Variants in NTSR1 observed in about 807,000 individuals in gnomAD.
NTSR1 encodes neurotensin receptor 1.
NTSR1 carries 29 observed loss-of-function variants against 31.2 expected under a neutral mutation model. The ratio of observed to expected loss-of-function variants is 0.93; its 90% CI spans 0.69 to 1.27. NTSR1 has a LOEUF of 1.27. Ranked by LOEUF, NTSR1 falls within the 50% of genes most tolerant of loss-of-function variation. The pLI is 0.00. For missense variants in NTSR1, 697 were observed against 595.4 expected (o/e 1.17, Z -1.78); for synonymous variants, 282 against 269.9 (o/e 1.04, Z -0.44).
chr20:62,761,823 T>G lies in NTSR1; in HGVS notation c.*1556T>G, dbSNP rs1275422629. 6.6e-6 allele frequency: 1 copy of G among 152,234 alleles called. No homozygotes were observed. Among genetic ancestry groups the G allele is most frequent in the Non-Finnish European group, 1.5e-5 (1 of 68,060 alleles). The allele number at this position is 152,234 out of a possible 1,614,324, so 9.4% of individuals were successfully genotyped here. A position where few individuals can be genotyped will look rare whatever the true frequency, so the allele number is the denominator to read the frequency against. ...CTGGCTGTTGAGTTGACGGGTTCCT[T>G]GAACCCCACAAAATCCCTCTCCAAC... is the stretch of plus-strand genomic sequence containing the variant. On this transcript the variant is annotated 3_prime_UTR_variant, in exon 4 of 4. Transcript: ENST00000370501.
At position 62,741,175 on chromosome 20, in the gene NTSR1, C is replaced by T. The variant is rs1011020952; in HGVS notation, c.715-13510C>T. Among the ~76,000 whole-genome samples, 3 of 150,650 alleles carry T rather than the reference C, an allele frequency of 2.0e-5. No individual in the cohort carries two copies. Among genetic ancestry groups the T allele is most frequent in the Non-Finnish European group, 4.5e-5 (3 of 67,066 alleles). Reference sequence around the variant, plus strand: ...GCCCTCTGGGCTAAGTCAGGGGTCTCCCGGCAGCCAGGCTGCTAAGTCAGG... The same window carrying T: ...GCCCTCTGGGCTAAGTCAGGGGTCTTCCGGCAGCCAGGCTGCTAAGTCAGG... On this transcript the variant is annotated intron_variant, in intron 1 of 3. Coordinates refer to ENST00000370501, the MANE Select transcript of NTSR1 (RefSeq NM_002531.3). The surrounding 1 kb of genome is among the most constrained non-coding windows in gnomAD (Gnocchi z 4.3).
chr20:62,731,472 AACCCAAGATACCTAGATTTTAT>A (rs1185318331), intron 1 of NTSR1, among the ~76,000 whole-genome samples: 2 of 152,202 alleles, frequency 1.3e-5, no homozygotes, highest in South Asian at 2.1e-4. Context: ...CTCATTGCCA[AACCCAAGATACCTAGATTTTAT>A]ACCCAAGATA....
intron 1 of NTSR1, among the ~76,000 whole-genome samples, chr20:62,710,360 G>A (rs1343793826): frequency 1.4e-4 from 22 of 152,144 alleles, no homozygotes. Flanking sequence ...CCCAAACTTG[G>A]GAGTCAGAAC....
chr20:62,708,938 C>A lies in NTSR1; in HGVS notation c.-270C>A, dbSNP rs1019313961. On this transcript the variant is annotated 5_prime_UTR_variant, in exon 1 of 4. Coordinates refer to ENST00000370501, the MANE Select transcript of NTSR1 (RefSeq NM_002531.3). The surrounding 1 kb of genome is among the most constrained non-coding windows in gnomAD (Gnocchi z 5.9). ...GGAGGCACCTGGAACCCGTGGCAAG[C>A]GCCGAGCCGGGAGACAGCCCGAGGA... 3.6e-5 allele frequency: 14 copies of A among 392,176 alleles called. No individual in the cohort carries two copies. Among genetic ancestry groups the A allele is most frequent in the Non-Finnish European group, 5.8e-5 (13 of 222,538 alleles). 24.3% of individuals were successfully genotyped at this position (392,176 alleles called of 1,614,324 possible).
chr20:62,760,527 A>C lies in NTSR1; in HGVS notation c.*260A>C. 5 of 422,840 alleles carry C rather than the reference A, an allele frequency of 1.2e-5. No individual in the cohort carries two copies. Among genetic ancestry groups the C allele is most frequent in the Admixed American group, 3.8e-5 (1 of 26,284 alleles). The allele number at this position is 422,840 out of a possible 1,614,324, so 26.2% of individuals were successfully genotyped here. A position where few individuals can be genotyped will look rare whatever the true frequency, so the allele number is the denominator to read the frequency against. The stretch of plus-strand genomic sequence containing the variant: ...GAACAAGAGAGCGCTCCTCTCCCAG[A>C]TAGGAAAAGGGCCTCTAACAAGGAG... On this transcript the variant is annotated 3_prime_UTR_variant, in exon 4 of 4. Transcript: ENST00000370501.
intron 1 of NTSR1, among the ~76,000 whole-genome samples, chr20:62,728,182 G>A (rs1339863643): frequency 6.6e-6 from 1 of 152,212 alleles, no homozygotes; most frequent in African/African-American, 2.4e-5. Context: ...TGAAGTCAGG[G>A]GAAGGGAGTG....
chr20:62,760,481 C>G lies in NTSR1; in HGVS notation c.*214C>G, dbSNP rs1050998296. 1.5e-5 allele frequency: 8 copies of G among 519,444 alleles called. No individual in the cohort carries two copies. The highest frequency in any genetic ancestry group is 1.1e-4 in the African/African-American group (6 of 53,110). 32.2% of individuals were successfully genotyped at this position (519,444 alleles called of 1,614,324 possible). A position where few individuals can be genotyped will look rare whatever the true frequency, so the allele number is the denominator to read the frequency against. On this transcript the variant is annotated 3_prime_UTR_variant, in exon 4 of 4. Coordinates refer to ENST00000370501, the MANE Select transcript of NTSR1 (RefSeq NM_002531.3). ...TCCCCAACTCCTCCCCACCCCTCCCCCATCTCCTCTTTGAAAGCCAGAACA... is the reference window on the plus strand; with the variant it reads ...TCCCCAACTCCTCCCCACCCCTCCCGCATCTCCTCTTTGAAAGCCAGAACA...
chr20:62,750,815 G>A lies in NTSR1; in HGVS notation c.715-3870G>A, dbSNP rs188942269. On this transcript the variant is annotated intron_variant, in intron 1 of 3. Transcript: ENST00000370501. ...GAGGTGACGGATGTTTCATTAGCTC[G>A]ATGGCGGTGATCATTTCACAATGTA... Among the ~76,000 whole-genome samples the A allele has an allele frequency of 2.5e-3, 375 of 151,980 alleles. 3 individuals carry two copies. The highest frequency in any genetic ancestry group is 8.4e-3 in the African/African-American group (350 of 41,452).
chr20:62,709,024 G>A lies in NTSR1; in HGVS notation c.-184G>A. 2.1e-6 allele frequency: 1 copy of A among 468,778 alleles called. No individual in the cohort carries two copies. The highest frequency in any genetic ancestry group is 3.7e-6 in the Non-Finnish European group (1 of 272,664). 29.0% of individuals were successfully genotyped at this position (468,778 alleles called of 1,614,324 possible). ...AGTCCGGAGGAGAGCGGAGCCCGGA[G>A]CCCGGAGCCCGGGGCGGCGCGTCTG... is the stretch of plus-strand genomic sequence containing the variant. On this transcript the variant is annotated 5_prime_UTR_variant, in exon 1 of 4. Coordinates refer to ENST00000370501, the MANE Select transcript of NTSR1 (RefSeq NM_002531.3).
chr20:62,719,123 C>CAA (rs34268973), intron 1 of NTSR1, among the ~76,000 whole-genome samples: 297 of 142,394 alleles, frequency 2.1e-3, no homozygotes, highest in African/African-American at 6.5e-3. Context: ...TTTTTTCTTT[C>CAA]AAAAAAAAAA....
rs566465142 is a variant in NTSR1 at position 62,749,911 on chromosome 20, G to T, written c.715-4774G>T. 2.0e-5 allele frequency among the ~76,000 whole-genome samples: 3 copies of T among 152,206 alleles called. No homozygotes were observed. In the South Asian group the frequency reaches 6.2e-4, roughly 32 times the overall value. ...TGGGGGCTCCTCAAAAAAAGTAAAG[G>T]CAGAACCACCGTAGGATCCAGCAAT... On this transcript the variant is annotated intron_variant, in intron 1 of 3. Transcript: ENST00000370501.
chr20:62,752,527 A>C (rs1428444625), intron 1 of NTSR1, among the ~76,000 whole-genome samples: 1 of 151,786 alleles, frequency 6.6e-6, no homozygotes, highest in Non-Finnish European at 1.5e-5. Flanking sequence ...CCTGCGGCAG[A>C]CTCTGTTCCC....
intron 1 of NTSR1, among the ~76,000 whole-genome samples, chr20:62,748,456 G>C (rs1346276687): frequency 6.6e-6 from 1 of 151,940 alleles, no homozygotes; most frequent in Non-Finnish European, 1.5e-5. Context: ...AACCACAACA[G>C]ACCTCAAATA....
In NTSR1 at chr20:62,715,616, T is replaced by C. The variant is rs1022817485; in HGVS notation, c.714+5695T>C. On this transcript the variant is annotated intron_variant, in intron 1 of 3. Transcript: ENST00000370501. This position sits in a 1 kb window ranked among gnomAD's most constrained non-coding sequence, Gnocchi z 4.7. Reference sequence around the variant, plus strand: ...AGGCTCACCTGTTCACAGCTCTGCATTGTGACCCGGGGTCAGCTCTCCCGG... The same window carrying C: ...AGGCTCACCTGTTCACAGCTCTGCACTGTGACCCGGGGTCAGCTCTCCCGG... Among the ~76,000 whole-genome samples, 1 of 152,234 alleles carries C rather than the reference T, an allele frequency of 6.6e-6. No individual in the cohort carries two copies. The highest frequency in any genetic ancestry group is 2.4e-5 in the African/African-American group (1 of 41,466).
At chr20:62,721,772 G>A (rs917547138) in intron 1 of NTSR1, among the ~76,000 whole-genome samples, 4 of 152,310 alleles carry the variant, frequency 2.6e-5, no homozygotes, top group Non-Finnish European at 1.5e-5. Context: ...CTAGTTTCCA[G>A]GGATCCTTTC....
chr20:62,760,300 C>T lies in NTSR1; in HGVS notation c.*33C>T, dbSNP rs749726085. The T allele has an allele frequency of 7.0e-6, 11 of 1,573,394 alleles. No individual in the cohort carries two copies. On this transcript the variant is annotated 3_prime_UTR_variant, in exon 4 of 4. Transcript: ENST00000370501. Reference sequence around the variant, plus strand: ...GCCCCGGAACGTGTCCAGGAGGAGCCTGGCCATGGGTCCTTGCCCCCGACA... The same window carrying T: ...GCCCCGGAACGTGTCCAGGAGGAGCTTGGCCATGGGTCCTTGCCCCCGACA...
At chr20:62,753,036 G>T (rs765313509) in intron 1 of NTSR1, among the ~76,000 whole-genome samples, 16 of 152,222 alleles carry the variant, frequency 1.1e-4, no homozygotes, top group Non-Finnish European at 2.2e-4. Context: ...GCTGGCAGGT[G>T]CAGGATGCTG....
At position 62,746,069 on chromosome 20, in the gene NTSR1, G is replaced by A. The variant is rs547459037; in HGVS notation, c.715-8616G>A. ...GCCTAGAGAGGTAGACGCTCAGCCT[G>A]GGCAGGGACGGGGGCCACACTAGCA... On this transcript the variant is annotated intron_variant, in intron 1 of 3. Transcript: ENST00000370501. Among the ~76,000 whole-genome samples the A allele has an allele frequency of 3.3e-5, 5 of 152,318 alleles. No individual in the cohort carries two copies. In the East Asian group the frequency reaches 9.7e-4, roughly 29 times the overall value.
chr20:62,713,875 G>A (rs1042791165), intron 1 of NTSR1, among the ~76,000 whole-genome samples: 10 of 152,220 alleles, frequency 6.6e-5, no homozygotes, highest in African/African-American at 1.9e-4. Flanking sequence ...TGAGGCAGGC[G>A]GATCACCTGA....
Sources: allele counts gnomAD v4.1 joint callset (sites outside exome capture counted in the v4.1 genomes callset), GRCh38; gene constraint gnomAD v4.1.1; non-coding constraint Gnocchi (gnomAD v3.1); transcripts MANE v1.5; gene names NCBI Gene and HGNC (gene_info 2026-07-23, HGNC 2026-07-21).